The following DYM variants were observed in gnomAD, a reference collection of about 807,000 sequenced individuals.
DYM encodes dyggve-Melchior-Clausen syndrome protein.
DYM carries 78 observed loss-of-function variants against 93.1 expected under a neutral mutation model. The ratio of observed to expected loss-of-function variants is 0.84; its 90% CI spans 0.70 to 1.01. The LOEUF (loss-of-function observed/expected upper bound fraction) is 1.01. Ranked by LOEUF, DYM falls within the 50% of genes least tolerant of loss-of-function variation. DYM has a pLI of 0.00. For synonymous variants in DYM, 321 were observed against 319.7 expected, an observed-to-expected ratio of 1.00 and a Z score of -0.04; for missense variants, 789 against 845.0, an observed-to-expected ratio of 0.93 and a Z score of 0.82.
intron 16 of DYM, among the ~76,000 whole-genome samples, chr18:49,114,941 G>A (rs750204280): frequency 3.3e-4 from 51 of 152,240 alleles, no homozygotes; most frequent in Non-Finnish European, 5.6e-4. Context: ...ATAGGCAACT[G>A]TGGGAGCATT....
intron 17 of DYM, among the ~76,000 whole-genome samples, chr18:49,055,816 C>G (rs530415490): frequency 7.9e-5 from 12 of 152,296 alleles, no homozygotes; most frequent in African/African-American, 2.9e-4. Flanking sequence ...AATGGGAAGG[C>G]AAAGACTACG....
At chr18:49,456,669 A>G (rs78960909) in intron 1 of DYM, among the ~76,000 whole-genome samples, 305 of 152,358 alleles carry the variant, frequency 2.0e-3, no homozygotes, top group African/African-American at 6.7e-3. Flanking sequence ...AGAAATGAAA[A>G]AAACAAAAAC....
At chr18:49,299,170 A>T (rs934711733) in intron 8 of DYM, among the ~76,000 whole-genome samples, 10 of 152,204 alleles carry the variant, frequency 6.6e-5, no homozygotes, top group African/African-American at 9.7e-5. Flanking sequence ...AAAACTTTTT[A>T]AAAAAATCTT....
At chr18:49,202,717 T>A (rs28394224) in intron 14 of DYM, among the ~76,000 whole-genome samples, 1 of 55,538 alleles carries the variant, frequency 1.8e-5, no homozygotes, top group Admixed American at 1.8e-4. Flanking sequence ...CGTCTATGCC[T>A]GGCCGCCCCG....
At chr18:49,258,781 GACACACACACACAC>G (rs61429427) in intron 11 of DYM, among the ~76,000 whole-genome samples, 4 of 112,368 alleles carry the variant, frequency 3.6e-5, no homozygotes, top group Admixed American at 1.0e-4. Context: ...AGGGATCATA[GACACACACACACAC>G]ACACACACAC....
intron 3 of DYM, among the ~76,000 whole-genome samples, chr18:49,389,314 C>CTGTG (rs557570171): frequency 4.7e-5 from 7 of 148,172 alleles, no homozygotes; most frequent in Admixed American, 1.3e-4. Context: ...GTGTGTGTGT[C>CTGTG]TGTGTGTGTG....
At chr18:49,097,736 T>C (rs1425409650) in intron 16 of DYM, among the ~76,000 whole-genome samples, 2 of 152,194 alleles carry the variant, frequency 1.3e-5, no homozygotes, top group African/African-American at 4.8e-5. Flanking sequence ...ATTCTGTGAA[T>C]TAAGTAGCCT....
intron 17 of DYM, among the ~76,000 whole-genome samples, chr18:49,081,096 C>G (rs374463237): frequency 6.6e-6 from 1 of 150,848 alleles, no homozygotes; most frequent in Non-Finnish European, 1.5e-5. Flanking sequence ...ACTTCCCAGA[C>G]GGGGTGGCGG....
chr18:49,374,003 T>TA, intron 5 of DYM, among the ~76,000 whole-genome samples: 1 of 152,216 alleles, frequency 6.6e-6, no homozygotes, highest in Non-Finnish European at 1.5e-5. Context: ...AGTATATATT[T>TA]AAAAAATATA....
rs188955123 is a variant in DYM at position 49,441,168 on chromosome 18, T to A, written c.-53-10721A>T. Among the ~76,000 whole-genome samples, 5 of 23,464 alleles carry A rather than the reference T, an allele frequency of 2.1e-4. 2 individuals are homozygous for A. Among genetic ancestry groups the A allele is most frequent in the African/African-American group, 4.4e-4 (3 of 6,774 alleles). The allele number at this position is 23,464 out of a possible 152,430, so 15.4% of individuals were successfully genotyped here. A position where few individuals can be genotyped will look rare whatever the true frequency, so the allele number is the denominator to read the frequency against. On this transcript the variant is annotated intron_variant, in intron 1 of 17. Coordinates refer to ENST00000675505, the MANE Select transcript of DYM (RefSeq NM_001353214.3). ...ATATAATATAATATATATTATATAT[T>A]ATATAATTATATATTTATATATAAT...
chr18:49,241,094 G>A (rs1162581589), intron 13 of DYM, among the ~76,000 whole-genome samples: 1 of 152,154 alleles, frequency 6.6e-6, no homozygotes, highest in Non-Finnish European at 1.5e-5. Context: ...GGCAAATGAT[G>A]TCTTATTATA....
intron 1 of DYM, among the ~76,000 whole-genome samples, chr18:49,439,134 C>A (rs764228531): frequency 6.6e-6 from 1 of 152,148 alleles, no homozygotes; most frequent in Non-Finnish European, 1.5e-5. Context: ...AACCTCTGGC[C>A]AGGAAGCCAG....
chr18:49,422,840 A>G (rs9951552), intron 2 of DYM, among the ~76,000 whole-genome samples: 3,623 of 152,164 alleles, frequency 0.024, 133 homozygotes, highest in African/African-American at 0.081. Context: ...TCAACAAGAA[A>G]AGCTAACTAT....
At chr18:49,108,483 G>A (rs1419741333) in intron 16 of DYM, among the ~76,000 whole-genome samples, 3 of 152,176 alleles carry the variant, frequency 2.0e-5, no homozygotes, top group South Asian at 2.1e-4. Context: ...GAAATCACCC[G>A]TCTTCTGCAT....
chr18:49,082,655 T>G (rs2078160341), intron 17 of DYM, among the ~76,000 whole-genome samples: 1 of 152,152 alleles, frequency 6.6e-6, no homozygotes. Flanking sequence ...AAAGAAGAAC[T>G]TGGAGAGAGG....
At position 49,039,707 on chromosome 18, in the gene DYM, C is replaced by T. The variant is rs573988670; in HGVS notation, c.*4348G>A. ...TCTTAAACCTGTTCACTGTTCTTCT[C>T]ATTACAGTACTTTAGTTATAGAATT... On this transcript the variant is annotated 3_prime_UTR_variant, in exon 18 of 18. Coordinates refer to ENST00000675505, the MANE Select transcript of DYM (RefSeq NM_001353214.3). 6.6e-6 allele frequency among the ~76,000 whole-genome samples: 1 copy of T among 152,096 alleles called. No homozygotes were observed. The highest frequency in any genetic ancestry group is 1.5e-5 in the Non-Finnish European group (1 of 67,990).
chr18:49,392,641 A>C (rs1314895550), intron 2 of DYM, among the ~76,000 whole-genome samples: 1 of 145,932 alleles, frequency 6.9e-6, no homozygotes, highest in Non-Finnish European at 1.5e-5. Context: ...CTAAAACCAG[A>C]GCGAGATACT....
intron 13 of DYM, among the ~76,000 whole-genome samples, chr18:49,223,487 T>C (rs1165409447): frequency 6.6e-6 from 1 of 152,112 alleles, no homozygotes; most frequent in Non-Finnish European, 1.5e-5. Flanking sequence ...TGGGATCCTG[T>C]ATGAATCCTG....
intron 13 of DYM, among the ~76,000 whole-genome samples, chr18:49,241,959 C>T (rs531804310): frequency 1.3e-5 from 2 of 152,334 alleles, no homozygotes; most frequent in South Asian, 2.1e-4. Context: ...TTCTACGCTG[C>T]GAGTTATCAA....
Sources: allele counts gnomAD v4.1 joint callset (sites outside exome capture counted in the v4.1 genomes callset), GRCh38; gene constraint gnomAD v4.1.1; transcripts MANE v1.5; gene names NCBI Gene and HGNC (gene_info 2026-07-23, HGNC 2026-07-21).